SULT6B1: variants seen among roughly 807,000 people sequenced by gnomAD.
SULT6B1 encodes the protein sulfotransferase 6B1.
In SULT6B1, 44 loss-of-function variants were observed where a neutral mutation model predicts 37.2. The ratio of observed to expected loss-of-function variants is 1.18; its 90% confidence interval spans 0.93 to 1.52. The LOEUF (loss-of-function observed/expected upper bound fraction) is 1.52. Among genes scored for constraint, SULT6B1 ranks in the 40% most tolerant of loss-of-function variants. SULT6B1 has a pLI of 0.00. For missense variants in SULT6B1, 450 were observed against 361.0 expected (o/e 1.25, Z -2.00); for synonymous variants, 140 against 126.0 (o/e 1.11, Z -0.74).
In SULT6B1 at chr2:37,188,627, G is replaced by T. The variant is rs748652143; in HGVS notation, c.14C>A (p.Ser5Tyr). Residue 5 changes from serine to tyrosine, a missense_variant, in exon 1 of 7, where the codon TCC becomes TAC. Ser to Tyr is a moderately radical substitution (Grantham distance 144). Coordinates refer to ENST00000535679, the MANE Select transcript of SULT6B1 (RefSeq NM_001367551.1). MADK[S>Y]KFIEYIDEAL... ...TTCGTCAATGTATTCAATAAATTTG[G>T]ATTTATCAGCCATGGTGGCTCCCTG... The T allele has an allele frequency of 9.8e-6, 13 of 1,321,484 alleles. No individual in the cohort carries two copies. Among genetic ancestry groups the T allele is most frequent in the Non-Finnish European group, 1.3e-5 (12 of 921,932 alleles). The allele number at this position is 1,321,484 out of a possible 1,614,324, so 81.9% of individuals were successfully genotyped here.
chr2:37,176,381 T>C (rs2148289059), intron 4 of SULT6B1, among the ~76,000 whole-genome samples: 2 of 150,222 alleles, frequency 1.3e-5, no homozygotes, highest in Middle Eastern at 3.4e-3. Context: ...TGTCTCAGTC[T>C]CCTGAGTAGC....
chr2:37,194,080 TTC>T (rs1299414502), intron 1 of SULT6B1, among the ~76,000 whole-genome samples: 7 of 152,218 alleles, frequency 4.6e-5, no homozygotes, highest in Admixed American at 2.0e-4. Context: ...TTCTTATAAT[TTC>T]TGTTTTTTCG....
chr2:37,175,220 C>T lies in SULT6B1; in HGVS notation c.536G>A (p.Trp179Ter), dbSNP rs746250897. 6 of 1,575,198 alleles carry T rather than the reference C, an allele frequency of 3.8e-6. No homozygotes were observed. In the East Asian group the frequency reaches 6.8e-5, roughly 18 times the overall value. The change falls in exon 5 of 7, where the codon TGG (tryptophan) becomes TAG (stop). Residue 179 changes from tryptophan (W) to a stop codon, truncating the protein, a stop_gained. Transcript: ENST00000535679. LOFTEE classifies it high-confidence loss of function. ...FRQFMKGQVSWGRYFDFAINW... is the reference protein window; with the variant it reads ...FRQFMKGQVS ...GATTGCAAAATCAAAATACCTTCCCCAAGAAACTAAAAACACAGGGGGGAA... is the reference window on the plus strand; with the variant it reads ...GATTGCAAAATCAAAATACCTTCCCTAAGAAACTAAAAACACAGGGGGGAA...
At chr2:37,169,551 G>A (rs1295598584) in intron 6 of SULT6B1, among the ~76,000 whole-genome samples, 1 of 152,100 alleles carries the variant, frequency 6.6e-6, no homozygotes, top group Non-Finnish European at 1.5e-5. Flanking sequence ...GTGCAGTGGT[G>A]CAATCTTGGC....
At position 37,167,935 on chromosome 2, in the gene SULT6B1, T is replaced by C; in HGVS notation, c.912A>G (p.Ter304TrpextTer8). ...TCTAGGCCTGCTGAATTGACTGGAA[T>C]CAACCCTGGCAATATGATTCATACT... ...KLKYESYCQG* is the reference protein window; with the variant it reads ...KLKYESYCQGW Residue 304 changes from the stop codon to tryptophan, a stop_lost, in exon 7 of 7, where the codon TGA becomes TGG. Transcript: ENST00000535679. The C allele has an allele frequency of 1.3e-6, 2 of 1,579,754 alleles. No homozygotes were observed. Among genetic ancestry groups the C allele is most frequent in the Non-Finnish European group, 1.7e-6 (2 of 1,170,756 alleles).
upstream of SULT6B1, among the ~76,000 whole-genome samples, chr2:37,190,866 C>T (rs1264059465): frequency 1.3e-5 from 2 of 151,980 alleles, no homozygotes; most frequent in Non-Finnish European, 2.9e-5. Context: ...AAAATGTTTG[C>T]GACTCCCCCT....
upstream of SULT6B1, chr2:37,188,789 A>G (rs1676727374): frequency 6.3e-6 from 3 of 478,802 alleles, no homozygotes; most frequent in South Asian, 6.7e-5. Context: ...CCTCACTATT[A>G]CATATCCTCC....
intron 4 of SULT6B1, among the ~76,000 whole-genome samples, chr2:37,177,871 C>A (rs529273046): frequency 1.3e-5 from 2 of 152,032 alleles, no homozygotes; most frequent in Admixed American, 6.6e-5. Context: ...AAAAAGTAGC[C>A]CTCTTAGAGT....
intron 5 of SULT6B1, among the ~76,000 whole-genome samples, chr2:37,173,380 T>C (rs1676346636): frequency 6.6e-6 from 1 of 152,190 alleles, no homozygotes; most frequent in Admixed American, 6.5e-5. Flanking sequence ...ATCTTCTCTA[T>C]CTATATACCT....
rs1676217478 is a variant in SULT6B1 at position 37,168,050 on chromosome 2, C to T, written c.797G>A (p.Trp266Ter). Residue 266 changes from tryptophan to a stop codon, truncating the protein, a stop_gained, in exon 7 of 7, where the codon TGG becomes TAG. Coordinates refer to ENST00000535679, the MANE Select transcript of SULT6B1 (RefSeq NM_001367551.1). LOFTEE classifies it high-confidence loss of function. ...FLFRKGEVGD[W>*]KNLFSEIQNQ... ...CTGAATTTCACTGAACAAATTTTTC[C>T]AATCACCAACTTCACCTACAACACA... 1.3e-6 allele frequency: 2 copies of T among 1,592,540 alleles called. No homozygotes were observed. Among genetic ancestry groups the T allele is most frequent in the Non-Finnish European group, 1.7e-6 (2 of 1,174,460 alleles).
At chr2:37,189,087 T>TG (rs1184791373), upstream of SULT6B1, among the ~76,000 whole-genome samples, 1 of 152,086 alleles carries the variant, frequency 6.6e-6, no homozygotes, top group East Asian at 1.9e-4. Context: ...GGTAATTTGG[T>TG]GGGGTGGAAA....
At chr2:37,183,325 T>C in intron 3 of SULT6B1, 100 bp downstream of exon 3, 1 of 918,686 alleles carries the variant, frequency 1.1e-6, no homozygotes, top group Non-Finnish European at 1.7e-6. Flanking sequence ...AGTTCATTTA[T>C]TAAGCTTCTA....
At chr2:37,190,069 A>C (rs1473697327), upstream of SULT6B1, 2 of 152,192 alleles carry the variant, frequency 1.3e-5, no homozygotes, top group Non-Finnish European at 2.9e-5. Flanking sequence ...AAAGAGCATA[A>C]TTGTTCATCT....
At chr2:37,177,925 T>C (rs1478763494) in intron 4 of SULT6B1, among the ~76,000 whole-genome samples, 1 of 152,112 alleles carries the variant, frequency 6.6e-6, no homozygotes, top group Non-Finnish European at 1.5e-5. Flanking sequence ...GGCTTTAATA[T>C]CCCATCTATT....
intron 2 of SULT6B1, among the ~76,000 whole-genome samples, chr2:37,186,577 A>G (rs900520991): frequency 2.0e-5 from 3 of 152,264 alleles, no homozygotes; most frequent in South Asian, 4.1e-4. Context: ...CACGTGAATC[A>G]TAACTGAGAT....
At chr2:37,178,557 C>T (rs1180178360) in intron 4 of SULT6B1, among the ~76,000 whole-genome samples, 1 of 152,072 alleles carries the variant, frequency 6.6e-6, no homozygotes, top group African/African-American at 2.4e-5. Flanking sequence ...TGATTAGTTT[C>T]CTCATCTGTA....
At chr2:37,185,627 A>G (rs2148297926) in intron 2 of SULT6B1, among the ~76,000 whole-genome samples, 1 of 148,626 alleles carries the variant, frequency 6.7e-6, no homozygotes, top group African/African-American at 2.5e-5. Context: ...CTGAGGCAGG[A>G]GAATTGCTTG....
At chr2:37,183,552 G>A (rs1466428087) in intron 2 of SULT6B1, 38 bp from the exon 3 acceptor site, 1 of 1,452,738 alleles carries the variant, frequency 6.9e-7, no homozygotes, top group Non-Finnish European at 9.7e-7. Context: ...ATGTGCACGT[G>A]TGTGCATGTG....
At chr2:37,193,640 AAGAAGAAGAAGG>A (rs1400265929), upstream of SULT6B1, among the ~76,000 whole-genome samples, 5 of 148,538 alleles carry the variant, frequency 3.4e-5, no homozygotes, top group African/African-American at 7.4e-5. Context: ...GAAGAAGAAG[AAGAAGAAGAAGG>A]AGAAGAAGGA....
Sources: allele counts gnomAD v4.1 joint callset (sites outside exome capture counted in the v4.1 genomes callset), GRCh38; gene constraint gnomAD v4.1.1; transcripts MANE v1.5; gene names NCBI Gene and HGNC (gene_info 2026-07-23, HGNC 2026-07-21).